Variants in ADCY2 observed in about 807,000 individuals in gnomAD.
ADCY2 encodes the protein adenylate cyclase type 2.
In ADCY2, 31 loss-of-function variants were observed where a neutral mutation model predicts 125.2. That is an observed-to-expected ratio of 0.25 (90% CI 0.19 to 0.33). The LOEUF is 0.33. Among genes scored for constraint, ADCY2 ranks in the 10% least tolerant of loss-of-function variants. The pLI is 1.00. For missense variants in ADCY2, 904 were observed against 1,418.2 expected, an observed-to-expected ratio of 0.64 and a Z score of 5.82; for synonymous variants, 512 against 548.4, an observed-to-expected ratio of 0.93 and a Z score of 0.93.
intron 3 of ADCY2, among the ~76,000 whole-genome samples, chr5:7,583,055 G>A (rs1477929149): frequency 1.3e-5 from 2 of 151,764 alleles, no homozygotes; most frequent in African/African-American, 4.8e-5. Flanking sequence ...ATACTGGTAG[G>A]AAAAAATGTA....
At chr5:7,800,852 A>G (rs1238521549) in intron 20 of ADCY2, 5 of 152,326 alleles carry the variant, frequency 3.3e-5, no homozygotes, top group African/African-American at 1.2e-4. Context: ...CTTGGCTGTC[A>G]TAGGCTGTCT....
chr5:7,399,911 C>G (rs1381541293), intron 1 of ADCY2, among the ~76,000 whole-genome samples: 1 of 152,162 alleles, frequency 6.6e-6, no homozygotes, highest in Non-Finnish European at 1.5e-5. Context: ...TATCATGTCA[C>G]TTGGTTTTTA....
At chr5:7,398,403 T>C (rs1739141729) in intron 1 of ADCY2, among the ~76,000 whole-genome samples, 1 of 152,238 alleles carries the variant, frequency 6.6e-6, no homozygotes. Context: ...CTATATTCAA[T>C]TCCTTTATGT....
At chr5:7,540,298 C>CA (rs113831290) in intron 3 of ADCY2, among the ~76,000 whole-genome samples, 21,915 of 145,426 alleles carry the variant, frequency 0.15, 1,865 homozygotes, top group African/African-American at 0.24. Flanking sequence ...TGTAACAAAC[C>CA]AAAAAAAAAA....
intron 14 of ADCY2, 57 bp downstream of exon 14, chr5:7,727,318 C>A: frequency 1.5e-6 from 2 of 1,374,718 alleles, no homozygotes; most frequent in Non-Finnish European, 2.1e-6. Flanking sequence ...CCACTGGAGC[C>A]CAGTTATATT....
chr5:7,502,337 C>A (rs1044324215), intron 2 of ADCY2, among the ~76,000 whole-genome samples: 7 of 152,136 alleles, frequency 4.6e-5, no homozygotes, highest in Non-Finnish European at 1.5e-5. Context: ...GGGAGCAGCC[C>A]CTGCTATGGA....
intron 3 of ADCY2, among the ~76,000 whole-genome samples, chr5:7,606,595 C>G (rs985628154): frequency 1.3e-5 from 2 of 152,186 alleles, no homozygotes; most frequent in Admixed American, 6.5e-5. Context: ...CTTGCAGGCT[C>G]TGAAGTGTGA....
intron 2 of ADCY2, among the ~76,000 whole-genome samples, chr5:7,443,501 G>A (rs976733444): frequency 4.6e-5 from 7 of 151,296 alleles, no homozygotes; most frequent in South Asian, 2.1e-4. Context: ...TTAGCTGGGC[G>A]TGGTGGCGGG....
intron 2 of ADCY2, among the ~76,000 whole-genome samples, chr5:7,467,037 A>G (rs1019971061): frequency 5.9e-5 from 9 of 152,168 alleles, no homozygotes; most frequent in Non-Finnish European, 8.8e-5. Context: ...GATATTTTCA[A>G]TTTACCCTGG....
chr5:7,625,848 C>T (rs1738100615), intron 3 of ADCY2, among the ~76,000 whole-genome samples: 1 of 152,160 alleles, frequency 6.6e-6, no homozygotes, highest in Admixed American at 6.5e-5. Flanking sequence ...GTCTCCTAAT[C>T]CTGGGCTGGA....
rs756521002 is a variant in ADCY2 at position 7,784,352 on chromosome 5, T to G, written c.2385-13T>G. ...TTGCATTGTTGTCTGTTTGTCTGTC[T>G]GTTTTTTAATAGACCAGGCATTTGG... On this transcript the variant is annotated splice_polypyrimidine_tract_variant and intron_variant, in intron 18 of 24. Coordinates refer to ENST00000338316, the MANE Select transcript of ADCY2 (RefSeq NM_020546.3). 5 of 1,605,330 alleles carry G rather than the reference T, an allele frequency of 3.1e-6. No individual in the cohort carries two copies. Among genetic ancestry groups the G allele is most frequent in the Non-Finnish European group, 3.4e-6 (4 of 1,172,548 alleles).
intron 4 of ADCY2, among the ~76,000 whole-genome samples, chr5:7,670,774 T>C (rs2126703821): frequency 6.6e-6 from 1 of 152,310 alleles, no homozygotes; most frequent in Middle Eastern, 3.4e-3. Flanking sequence ...TCCATGCTTC[T>C]GTGAGAATCT....
intron 11 of ADCY2, among the ~76,000 whole-genome samples, chr5:7,713,934 A>C (rs1741520886): frequency 6.6e-6 from 1 of 152,198 alleles, no homozygotes; most frequent in African/African-American, 2.4e-5. Flanking sequence ...TAAAAATGAA[A>C]CATAGGTTGT....
chr5:7,481,600 A>G (rs921058420), intron 2 of ADCY2, among the ~76,000 whole-genome samples: 3 of 152,140 alleles, frequency 2.0e-5, no homozygotes, highest in Admixed American at 2.0e-4. Context: ...CCTATTAGCC[A>G]TTTGTACATC....
intron 5 of ADCY2, among the ~76,000 whole-genome samples, chr5:7,695,237 C>T (rs1418621068): frequency 6.6e-6 from 1 of 152,198 alleles, no homozygotes. Flanking sequence ...GAAGAGTGAC[C>T]TTCCTGGCCT....
chr5:7,535,393 A>G (rs1469394640), intron 3 of ADCY2, among the ~76,000 whole-genome samples: 3 of 152,232 alleles, frequency 2.0e-5, no homozygotes, highest in African/African-American at 4.8e-5. Flanking sequence ...GAGTGTTTGA[A>G]TAAATGCATC....
In ADCY2 at chr5:7,562,166, C is replaced by A. The variant is rs181140171; in HGVS notation, c.570+41267C>A. On this transcript the variant is annotated intron_variant, in intron 3 of 24. Transcript: ENST00000338316. ...CAATTTTAATATTTGGCGCTTCTAA[C>A]AAGTCAACTAGTTGAACTTTTAGTA... Among the ~76,000 whole-genome samples the A allele has an allele frequency of 3.1e-3, 478 of 152,058 alleles. 9 individuals carry two copies. Among genetic ancestry groups the A allele is most frequent in the Non-Finnish European group, 4.0e-3 (273 of 67,984 alleles).
chr5:7,431,378 A>T (rs992568202), intron 2 of ADCY2, among the ~76,000 whole-genome samples: 4 of 152,236 alleles, frequency 2.6e-5, no homozygotes, highest in African/African-American at 7.2e-5. Flanking sequence ...TACCTCACAC[A>T]ATGTATAAAA....
intron 3 of ADCY2, among the ~76,000 whole-genome samples, chr5:7,608,821 C>G (rs1484979236): frequency 6.6e-6 from 1 of 152,104 alleles, no homozygotes; most frequent in African/African-American, 2.4e-5. Flanking sequence ...AGACATCAAA[C>G]TCTGAAAGCC....
Sources: gnomAD v4.1 joint callset for allele counts (sites outside exome capture counted in the v4.1 genomes callset) on GRCh38, gnomAD v4.1.1 for gene constraint, MANE v1.5 for transcripts, NCBI Gene and HGNC (gene_info 2026-07-23, HGNC 2026-07-21) for gene names.